The following KAZN variants were observed in gnomAD, a reference collection of about 807,000 sequenced individuals.
The protein encoded by KAZN is kazrin.
A neutral mutation model predicts 87.4 loss-of-function variants in KAZN; 40 were observed. The observed-to-expected ratio is 0.46, with a 90% CI of 0.36 to 0.60. The LOEUF (loss-of-function observed/expected upper bound fraction) is 0.60. Among genes scored for constraint, KAZN ranks in the 20% least tolerant of loss-of-function variants. The pLI, the probability that KAZN is intolerant of heterozygous loss-of-function variation, is 0.00. For synonymous variants in KAZN, 466 were observed against 458.3 expected, an observed-to-expected ratio of 1.02 and a Z score of -0.22; for missense variants, 898 against 1,073.9, an observed-to-expected ratio of 0.84 and a Z score of 2.29.
chr1:14,574,012 C>T (rs1675029316), intron 2 of KAZN, among the ~76,000 whole-genome samples: 1 of 152,132 alleles, frequency 6.6e-6, no homozygotes, highest in Non-Finnish European at 1.5e-5. Context: ...AATATAGGCT[C>T]TTATTCCAAG....
chr1:14,796,288 C>T (rs529224861), intron 1 of KAZN, among the ~76,000 whole-genome samples: 19 of 152,322 alleles, frequency 1.2e-4, no homozygotes, highest in Admixed American at 2.6e-4. Flanking sequence ...CACCCACACC[C>T]GGGCTTTCCC....
intron 1 of KAZN, among the ~76,000 whole-genome samples, chr1:14,935,442 A>G (rs2101605315): frequency 6.7e-6 from 1 of 148,728 alleles, no homozygotes; most frequent in East Asian, 2.1e-4. Flanking sequence ...GAGCTGGACC[A>G]TCGATTCTCA....
chr1:14,993,953 C>T (rs4661310), intron 2 of KAZN, among the ~76,000 whole-genome samples: 34,346 of 152,084 alleles, frequency 0.23, 4,229 homozygotes, highest in Middle Eastern at 0.3. Flanking sequence ...AGGGAGATTA[C>T]GGGGACTTCT....
chr1:13,999,600 A>G (rs1208774011), intron 1 of KAZN, among the ~76,000 whole-genome samples: 1 of 152,222 alleles, frequency 6.6e-6, no homozygotes, highest in Non-Finnish European at 1.5e-5. Flanking sequence ...CACATCAGAA[A>G]GCTAGAAAGA....
intron 2 of KAZN, among the ~76,000 whole-genome samples, chr1:14,965,254 A>G (rs2101803060): frequency 6.6e-6 from 1 of 152,222 alleles, no homozygotes; most frequent in African/African-American, 2.4e-5. Flanking sequence ...TCCTGGGCTC[A>G]AGCAGTCTGC....
intron 1 of KAZN, among the ~76,000 whole-genome samples, chr1:14,036,141 G>T (rs1472544039): frequency 6.6e-6 from 1 of 152,230 alleles, no homozygotes; most frequent in Non-Finnish European, 1.5e-5. Context: ...AGGCACAAAA[G>T]TGCACCTTTT....
intron 2 of KAZN, among the ~76,000 whole-genome samples, chr1:15,009,362 A>ATG (rs778884113): frequency 5.8e-4 from 89 of 152,334 alleles, no homozygotes; most frequent in Middle Eastern, 3.4e-3. Context: ...GAACTCAGGT[A>ATG]AGCGCCATCC....
At chr1:14,528,280 G>C (rs1185465228) in intron 2 of KAZN, among the ~76,000 whole-genome samples, 1 of 134,508 alleles carries the variant, frequency 7.4e-6, no homozygotes, top group Admixed American at 8.0e-5. Flanking sequence ...GGAGGTTGCA[G>C]TGAGCCGAGA....
chr1:14,098,398 G>A (rs6661697), intron 1 of KAZN, among the ~76,000 whole-genome samples: 61,491 of 152,004 alleles, frequency 0.4, 13,175 homozygotes, highest in East Asian at 0.68. Context: ...AGTGGTGGAT[G>A]AGAGTTGAAT....
intron 2 of KAZN, among the ~76,000 whole-genome samples, chr1:14,563,242 A>G (rs1674355769): frequency 1.3e-5 from 2 of 152,194 alleles, no homozygotes; most frequent in African/African-American, 4.8e-5. Context: ...AGTGCATTCA[A>G]TCACCAGTAG....
At chr1:14,087,606 A>T (rs1643884448) in intron 1 of KAZN, among the ~76,000 whole-genome samples, 1 of 152,058 alleles carries the variant, frequency 6.6e-6, no homozygotes, top group South Asian at 2.1e-4. Context: ...GATATGTTTC[A>T]TCAGATTGAG....
At chr1:14,986,181 G>T (rs370837445) in intron 2 of KAZN, among the ~76,000 whole-genome samples, 19 of 152,082 alleles carry the variant, frequency 1.2e-4, no homozygotes, top group African/African-American at 4.6e-4. Flanking sequence ...GATGTTTGGA[G>T]AAGCTTGCAT....
Position 14,614,075 on chromosome 1 carries a change from G to A in KAZN, c.226+14852G>A, listed in dbSNP as rs913150307. Among the ~76,000 whole-genome samples the A allele has an allele frequency of 6.6e-5, 10 of 152,204 alleles. No homozygotes were observed. The South Asian group carries it at 1.0e-3, about 16-fold the overall frequency. The stretch of plus-strand genomic sequence containing the variant: ...CCCCATGCTAGATTTCCGGGAATAC[G>A]ATGCAATTGGCCAACTGCCATCACT... On this transcript the variant is annotated intron_variant, in intron 1 of 14. Transcript: ENST00000376030.
chr1:14,031,986 T>G (rs757805418), intron 1 of KAZN, among the ~76,000 whole-genome samples: 1 of 152,206 alleles, frequency 6.6e-6, no homozygotes, highest in Non-Finnish European at 1.5e-5. Context: ...TTCCCCAAAT[T>G]GGTAACTTGA....
chr1:14,221,880 A>G (rs1647107362), intron 2 of KAZN: 1 of 152,194 alleles, frequency 6.6e-6, no homozygotes, highest in Admixed American at 6.5e-5. Flanking sequence ...CAAGGAAGCA[A>G]TCACCGTTAA....
At chr1:14,969,901 C>T (rs1664837321) in intron 2 of KAZN, among the ~76,000 whole-genome samples, 1 of 152,112 alleles carries the variant, frequency 6.6e-6, no homozygotes, top group Admixed American at 6.6e-5. Flanking sequence ...GCAACCTCTA[C>T]CTCCTGGGTT....
intron 2 of KAZN, among the ~76,000 whole-genome samples, chr1:15,031,553 G>GTGTGTTGTGT (rs139569205): frequency 0.3 from 44,413 of 146,212 alleles, 7,202 homozygotes; most frequent in Non-Finnish European, 0.34. Context: ...GCTACTCAGG[G>GTGTGTTGTGT]TGTGTTGTGT....
At chr1:14,480,135 G>A (rs777913568) in intron 2 of KAZN, among the ~76,000 whole-genome samples, 1 of 152,240 alleles carries the variant, frequency 6.6e-6, no homozygotes, top group Non-Finnish European at 1.5e-5. Context: ...TACCAAGGCA[G>A]CCAGCCTTCC....
At chr1:14,035,951 C>A (rs779757622) in intron 1 of KAZN, among the ~76,000 whole-genome samples, 53 of 152,178 alleles carry the variant, frequency 3.5e-4, no homozygotes, top group Non-Finnish European at 2.9e-4. Flanking sequence ...TATCCCTTGG[C>A]AGGCTCAGGC....
Sources: allele counts gnomAD v4.1 joint callset (sites outside exome capture counted in the v4.1 genomes callset), GRCh38; gene constraint gnomAD v4.1.1; transcripts MANE v1.5; gene names NCBI Gene and HGNC (gene_info 2026-07-23, HGNC 2026-07-21).